The following NUP133 variants were observed in gnomAD, a reference collection of about 807,000 sequenced individuals.
NUP133 encodes the protein nuclear pore complex protein Nup133.
NUP133 carries 66 observed loss-of-function variants against 146.2 expected under a neutral mutation model. The observed-to-expected ratio is 0.45, with a 90% CI of 0.37 to 0.55. NUP133 has a LOEUF of 0.55. Ranked by LOEUF, NUP133 falls within the 20% of genes least tolerant of loss-of-function variation. The probability of loss-of-function intolerance (pLI) is 0.00; values close to 1 mark genes in which losing one functional copy is unlikely to be tolerated. For missense variants in NUP133, 1,277 were observed against 1,374.8 expected, an observed-to-expected ratio of 0.93 and a Z score of 1.12; for synonymous variants, 521 against 498.8, an observed-to-expected ratio of 1.04 and a Z score of -0.59.
At chr1:229,479,067 G>A (rs779145660) in intron 12 of NUP133, among the ~76,000 whole-genome samples, 3 of 152,182 alleles carry the variant, frequency 2.0e-5, no homozygotes, top group Non-Finnish European at 4.4e-5. Flanking sequence ...ACAGATGACA[G>A]AGACAGAGAG....
At chr1:229,492,135 T>C (rs1253247295) in intron 8 of NUP133, among the ~76,000 whole-genome samples, 2 of 151,746 alleles carry the variant, frequency 1.3e-5, no homozygotes, top group African/African-American at 4.8e-5. Context: ...AGGCGGAGTT[T>C]CACTCTTGTT....
chr1:229,491,875 T>C (rs1218534970), intron 8 of NUP133, among the ~76,000 whole-genome samples: 3 of 152,190 alleles, frequency 2.0e-5, no homozygotes, highest in African/African-American at 7.2e-5. Context: ...AGCCCAGTAG[T>C]TCAAGACCAA....
In NUP133 at chr1:229,500,058, CCT is replaced by C. The variant is rs555159582; in HGVS notation, c.514-242_514-241del. Among the ~76,000 whole-genome samples, 629 of 152,192 alleles carry C rather than the reference CCT, an allele frequency of 4.1e-3. 3 individuals carry two copies. The highest frequency in any genetic ancestry group is 0.014 in the African/African-American group (592 of 41,514). ...CTAAGTGTCTGTTCAAGTCCTAGCCCCTGTTTTTAAACTGCATTGTTTTCTTA... is the reference window on the plus strand; with the variant it reads ...CTAAGTGTCTGTTCAAGTCCTAGCCCGTTTTTAAACTGCATTGTTTTCTTA... On this transcript the variant is annotated intron_variant, in intron 4 of 25. Coordinates refer to ENST00000261396, the MANE Select transcript of NUP133 (RefSeq NM_018230.3).
chr1:229,506,185 A>C lies in NUP133; in HGVS notation c.183-27T>G. The C allele has an allele frequency of 2.3e-6, 3 of 1,292,046 alleles. 1 individual carries two copies. The highest frequency in any genetic ancestry group is 2.3e-5 in the East Asian group (1 of 42,694). 80.0% of individuals were successfully genotyped at this position (1,292,046 alleles called of 1,614,324 possible). ...TAAAGAAAAGAGTCTATATTACCTT[A>C]CTTGTAACTTAAAATTCTCCATTAT... is the stretch of plus-strand genomic sequence containing the variant. On this transcript the variant is annotated intron_variant, in intron 1 of 25. Coordinates refer to ENST00000261396, the MANE Select transcript of NUP133 (RefSeq NM_018230.3).
intron 2 of NUP133, among the ~76,000 whole-genome samples, chr1:229,502,324 C>T (rs111818246): frequency 0.022 from 3,420 of 152,064 alleles, 130 homozygotes; most frequent in African/African-American, 0.078. Context: ...CTTTGGGAGG[C>T]CGAGGTGGGA....
At chr1:229,464,970 T>C in intron 17 of NUP133, 95 bp from the exon 18 acceptor site, 1 of 1,416,064 alleles carries the variant, frequency 7.1e-7, no homozygotes, top group Admixed American at 1.9e-5. Context: ...TCTTCATCAC[T>C]GCTGGAAAAT....
At chr1:229,460,528 GTATTT>G in intron 20 of NUP133, 78 bp downstream of exon 20, 2 of 1,353,052 alleles carry the variant, frequency 1.5e-6, no homozygotes, top group South Asian at 1.4e-5. Context: ...ACAGTAAACA[GTATTT>G]TAATTACTAA....
At chr1:229,444,676 G>A (rs572908796) in intron 25 of NUP133, among the ~76,000 whole-genome samples, 1 of 151,704 alleles carries the variant, frequency 6.6e-6, no homozygotes, top group East Asian at 1.9e-4. Context: ...GTGAAACCCT[G>A]CTTTTACTAA....
intron 9 of NUP133, 49 bp from the exon 10 acceptor site, chr1:229,487,662 A>ATTTG (rs10653575): frequency 0.18 from 238,133 of 1,313,804 alleles, 23,992 homozygotes; most frequent in Middle Eastern, 0.23. Flanking sequence ...AAACAAAAAT[A>ATTTG]TTTGTATGAT....
In NUP133 at chr1:229,486,371, C is replaced by T; in HGVS notation, c.1500G>A (p.Glu500=). ...LASSVAGPNS[E]SMIFETTTKN... is the part of the protein sequence containing the mutation. ...TCAAATTCTTATCGAATCACATTAC[C>T]TCACTGTTTGGTCCAGCAACTGAAG... Residue 500 remains glutamate (E), a splice_region_variant and synonymous_variant, in exon 11 of 26, where the codon GAG becomes GAA. Transcript: ENST00000261396. 2 of 1,569,706 alleles carry T rather than the reference C, an allele frequency of 1.3e-6. No homozygotes were observed. The highest frequency in any genetic ancestry group is 1.7e-6 in the Non-Finnish European group (2 of 1,169,058).
At chr1:229,484,245 T>C in intron 11 of NUP133, 100 bp from the exon 12 acceptor site, 4 of 732,868 alleles carry the variant, frequency 5.5e-6, no homozygotes, top group Non-Finnish European at 9.1e-6. Context: ...ACTCCGCATA[T>C]ACACGAGCTG....
chr1:229,447,632 C>A (rs547252170), intron 24 of NUP133, among the ~76,000 whole-genome samples: 1 of 152,052 alleles, frequency 6.6e-6, no homozygotes, highest in East Asian at 1.9e-4. Flanking sequence ...AAATTGGTCA[C>A]CAACTTTAAT....
At chr1:229,503,238 AC>A (rs1416786581) in intron 2 of NUP133, among the ~76,000 whole-genome samples, 1 of 152,030 alleles carries the variant, frequency 6.6e-6, no homozygotes, top group African/African-American at 2.4e-5. Context: ...AGATCGCGCC[AC>A]TGCACTCCAG....
At chr1:229,502,417 A>G (rs12029704) in intron 2 of NUP133, among the ~76,000 whole-genome samples, 33,448 of 151,590 alleles carry the variant, frequency 0.22, 3,931 homozygotes, top group Middle Eastern at 0.27. Context: ...AAATTAGCTG[A>G]GTGTGGTGGC....
intron 14 of NUP133, among the ~76,000 whole-genome samples, chr1:229,471,923 A>G (rs1451889984): frequency 6.6e-6 from 1 of 152,140 alleles, no homozygotes; most frequent in Non-Finnish European, 1.5e-5. Context: ...TTAATAATTC[A>G]CTGAATCCTA....
intron 17 of NUP133, 93 bp downstream of exon 17, chr1:229,465,327 T>C (rs550461546): frequency 1.0e-6 from 1 of 992,104 alleles, no homozygotes; most frequent in South Asian, 1.4e-5. Flanking sequence ...TCATTTCACT[T>C]ACAAACCTAC....
chr1:229,498,015 CA>C, intron 6 of NUP133, 120 bp downstream of exon 6: 1 of 605,192 alleles, frequency 1.7e-6, no homozygotes, highest in Non-Finnish European at 2.6e-6. Flanking sequence ...CTAAAAAGAC[CA>C]AAGGTTTTAT....
rs1179128475 is a variant in NUP133, at chr1:229,470,661, G to A, written c.1995C>T (p.Asn665=). 6.2e-7 allele frequency: 1 copy of A among 1,614,196 alleles called. No individual in the cohort carries two copies. Among genetic ancestry groups the A allele is most frequent in the South Asian group, 1.1e-5 (1 of 91,088 alleles). Residue 665 remains asparagine (N), a synonymous_variant, in exon 15 of 26, where the codon AAC becomes AAT. Coordinates refer to ENST00000261396, the MANE Select transcript of NUP133 (RefSeq NM_018230.3). The stretch of plus-strand genomic sequence containing the variant: ...TGTTCAAAGCAATCAATATGGCTGT[G>A]TTGACAAGGTCAGAAAGCCGGGAGT... ...NHHSRLSDLV[N]TAILIALNKR...
Position 229,508,301 on chromosome 1 carries a change from A to T in NUP133, c.-52T>A. ...GCGAGGGATCTGGCCGTCAGGTTGC[A>T]GCCTGGCCTGCGCGCGGAACTTAAA... On this transcript the variant is annotated 5_prime_UTR_variant, in exon 1 of 26. Transcript: ENST00000261396. 1 of 1,334,830 alleles carries T rather than the reference A, an allele frequency of 7.5e-7. No individual in the cohort carries two copies. The highest frequency in any genetic ancestry group is 1.5e-5 in the African/African-American group (1 of 65,176). The allele number at this position is 1,334,830 out of a possible 1,614,324, so 82.7% of individuals were successfully genotyped here.
Sources: gnomAD v4.1 joint callset for allele counts (sites outside exome capture counted in the v4.1 genomes callset) on GRCh38, gnomAD v4.1.1 for gene constraint, MANE v1.5 for transcripts, NCBI Gene and HGNC (gene_info 2026-07-23, HGNC 2026-07-21) for gene names.